The following FOXK1 variants were observed in gnomAD, a reference collection of about 807,000 sequenced individuals.
FOXK1 encodes forkhead box K1, also known as forkhead box protein K1.
In FOXK1, 19 loss-of-function variants were observed where a neutral mutation model predicts 51.9. That is an observed-to-expected ratio of 0.37 (90% CI 0.26 to 0.54). The LOEUF (loss-of-function observed/expected upper bound fraction) is 0.54, where lower values mean the gene tolerates loss of function less well. Ranked by LOEUF, FOXK1 falls within the 20% of genes least tolerant of loss-of-function variation. The probability of loss-of-function intolerance (pLI) is 0.87; values close to 1 mark genes in which losing one functional copy is unlikely to be tolerated. For synonymous variants in FOXK1, 537 were observed against 482.6 expected (o/e 1.11, Z -1.48); for missense variants, 870 against 1,032.7 (o/e 0.84, Z 2.16).
chr7:4,733,723 G>T lies in FOXK1; in HGVS notation c.561-7115G>T, dbSNP rs113082099. Among the ~76,000 whole-genome samples, 367 of 152,358 alleles carry T rather than the reference G, an allele frequency of 2.4e-3. 1 individual carries two copies. The highest frequency in any genetic ancestry group is 8.4e-3 in the African/African-American group (349 of 41,576). Reference sequence around the variant, plus strand: ...GAACTGCATCCTGCAGGTATCGCTCGTGAAAACCGGCCTGGCGTCTTCTGG... The same window carrying T: ...GAACTGCATCCTGCAGGTATCGCTCTTGAAAACCGGCCTGGCGTCTTCTGG... On this transcript the variant is annotated intron_variant, in intron 1 of 8. Transcript: ENST00000328914. The surrounding 1 kb of genome is among the most constrained non-coding windows in gnomAD (Gnocchi z 5.0).
chr7:4,731,972 G>A lies in FOXK1; in HGVS notation c.561-8866G>A, dbSNP rs1289300644. ...ACACGGAGGCCGGGCTGGCCAGGGCGGGGCTCAGATTCAGTGACTTGCCCA... is the reference window on the plus strand; with the variant it reads ...ACACGGAGGCCGGGCTGGCCAGGGCAGGGCTCAGATTCAGTGACTTGCCCA... On this transcript the variant is annotated intron_variant, in intron 1 of 8. Transcript: ENST00000328914. The surrounding 1 kb of genome is among the most constrained non-coding windows in gnomAD (Gnocchi z 5.3). 1.3e-5 allele frequency among the ~76,000 whole-genome samples: 2 copies of A among 152,170 alleles called. No homozygotes were observed. The highest frequency in any genetic ancestry group is 4.8e-5 in the African/African-American group (2 of 41,434).
chr7:4,707,974 C>T lies in FOXK1; in HGVS notation c.560+25106C>T, dbSNP rs1042877709. On this transcript the variant is annotated intron_variant, in intron 1 of 8. Transcript: ENST00000328914. The surrounding 1 kb of genome is among the most constrained non-coding windows in gnomAD (Gnocchi z 4.1). Reference sequence around the variant, plus strand: ...CTGGGATTACACCCATGAGCCACTGCGCTCAGCCTGTTTTCACCTGTTTTC... The same window carrying T: ...CTGGGATTACACCCATGAGCCACTGTGCTCAGCCTGTTTTCACCTGTTTTC... Among the ~76,000 whole-genome samples the T allele has an allele frequency of 3.9e-5, 6 of 152,070 alleles. No homozygotes were observed. Among genetic ancestry groups the T allele is most frequent in the Non-Finnish European group, 7.4e-5 (5 of 68,014 alleles).
intron 1 of FOXK1, among the ~76,000 whole-genome samples, chr7:4,705,517 TTCTCTCTCTCTCTCTCTCTC>T (rs56842360): frequency 9.0e-6 from 1 of 111,490 alleles, no homozygotes; most frequent in Non-Finnish European, 1.8e-5. Context: ...TTCCTTCTCT[TTCTCTCTCTCTCTCTCTCTC>T]TCTCTCTCTC....
intron 1 of FOXK1, among the ~76,000 whole-genome samples, chr7:4,714,030 T>C (rs1011850547): frequency 1.3e-5 from 2 of 151,990 alleles, no homozygotes; most frequent in African/African-American, 4.8e-5. Flanking sequence ...TTCACTGTGT[T>C]GGTCAGGCTG....
At chr7:4,750,902 C>G (rs773388253) in intron 2 of FOXK1, among the ~76,000 whole-genome samples, 15 of 151,874 alleles carry the variant, frequency 9.9e-5, no homozygotes, top group Non-Finnish European at 2.1e-4. Context: ...CGGGATTTCT[C>G]TAAATCGGGC....
chr7:4,682,959 TTCCTCG>T lies in FOXK1; in HGVS notation c.560+92_560+97del. ...CCGGGCCTGGGGATCCCCCTCCAGC[TTCCTCG>T]GCCTCGACCCCCACCCCCCGGCCCA... On this transcript the variant is annotated intron_variant, in intron 1 of 8. Transcript: ENST00000328914. The surrounding 1 kb of genome is among the most constrained non-coding windows in gnomAD (Gnocchi z 7.6). 1 of 1,217,336 alleles carries T rather than the reference TTCCTCG, an allele frequency of 8.2e-7. No homozygotes were observed. 75.4% of individuals were successfully genotyped at this position (1,217,336 alleles called of 1,614,324 possible).
Position 4,747,083 on chromosome 7 carries a change from G to C in FOXK1, c.746+6060G>C, listed in dbSNP as rs995302204. Reference sequence around the variant, plus strand: ...TGTTGGGAGTTCGGAATGAAGCTTGGTAGGGAAGTCCTTGTGTTTGTCCGA... The same window carrying C: ...TGTTGGGAGTTCGGAATGAAGCTTGCTAGGGAAGTCCTTGTGTTTGTCCGA... On this transcript the variant is annotated intron_variant, in intron 2 of 8. Transcript: ENST00000328914. This position sits in a 1 kb window ranked among gnomAD's most constrained non-coding sequence, Gnocchi z 9.2. 6.6e-6 allele frequency among the ~76,000 whole-genome samples: 1 copy of C among 152,184 alleles called. No homozygotes were observed. Among genetic ancestry groups the C allele is most frequent in the African/African-American group, 2.4e-5 (1 of 41,450 alleles).
intron 1 of FOXK1, among the ~76,000 whole-genome samples, chr7:4,725,397 A>T (rs988176933): frequency 4.6e-5 from 7 of 152,048 alleles, no homozygotes; most frequent in Non-Finnish European, 7.4e-5. Context: ...ATTTTTTTTC[A>T]CTGCTGTTGC....
At position 4,745,273 on chromosome 7, in the gene FOXK1, G is replaced by C. The variant is rs908257909; in HGVS notation, c.746+4250G>C. The stretch of plus-strand genomic sequence containing the variant: ...TCATTGGCCGTGGAGTGGCTGGCTC[G>C]GTGTAGGCCGGGCTCGCCCAGGGCC... On this transcript the variant is annotated intron_variant, in intron 2 of 8. Transcript: ENST00000328914. The surrounding 1 kb of genome is among the most constrained non-coding windows in gnomAD (Gnocchi z 4.3). Among the ~76,000 whole-genome samples the C allele has an allele frequency of 2.3e-4, 35 of 152,204 alleles. 1 individual carries two copies. The highest frequency in any genetic ancestry group is 1.3e-4 in the Admixed American group (2 of 15,284).
intron 2 of FOXK1, among the ~76,000 whole-genome samples, chr7:4,741,519 C>T (rs1780633749): frequency 6.6e-6 from 1 of 152,026 alleles, no homozygotes; most frequent in South Asian, 2.1e-4. Flanking sequence ...TTAGTAGAGA[C>T]GGGGTTTCAC....
At chr7:4,754,322 G>A in intron 2 of FOXK1, 137 bp from the exon 3 acceptor site, 1 of 973,688 alleles carries the variant, frequency 1.0e-6, no homozygotes, top group Non-Finnish European at 1.5e-6. Flanking sequence ...TGGCCGGGCA[G>A]TGTGGTGGCA....
At chr7:4,695,795 G>C (rs1194425395) in intron 1 of FOXK1, among the ~76,000 whole-genome samples, 1 of 152,192 alleles carries the variant, frequency 6.6e-6, no homozygotes, top group Non-Finnish European at 1.5e-5. Context: ...AATTAGCTGG[G>C]CGTGGTGGCG....
chr7:4,732,395 C>G (rs908688712), intron 1 of FOXK1, among the ~76,000 whole-genome samples: 1 of 152,200 alleles, frequency 6.6e-6, no homozygotes, highest in Non-Finnish European at 1.5e-5. Context: ...CAGGCTCAAG[C>G]CATCTTCCCT....
chr7:4,721,589 CTTTTTTTTT>C (rs200132324), intron 1 of FOXK1, among the ~76,000 whole-genome samples: 35 of 112,648 alleles, frequency 3.1e-4, no homozygotes, highest in African/African-American at 1.2e-3. Flanking sequence ...TCTTTTTTTT[CTTTTTTTTT>C]TTTTTTTTTT....
intron 1 of FOXK1, among the ~76,000 whole-genome samples, chr7:4,688,367 C>T (rs190191407): frequency 1.1e-3 from 166 of 149,522 alleles, no homozygotes; most frequent in African/African-American, 3.5e-3. Flanking sequence ...CTCTTACTGT[C>T]GGCATGGTTG....
chr7:4,727,205 G>A (rs971097545), intron 1 of FOXK1, among the ~76,000 whole-genome samples: 3 of 152,130 alleles, frequency 2.0e-5, no homozygotes, highest in African/African-American at 7.2e-5. Flanking sequence ...TCCCACTTTG[G>A]CCTCTCAAAG....
intron 1 of FOXK1, among the ~76,000 whole-genome samples, chr7:4,724,514 T>C (rs1451604438): frequency 6.6e-6 from 1 of 152,202 alleles, no homozygotes; most frequent in East Asian, 1.9e-4. Flanking sequence ...GCTTTTTCTT[T>C]GGTTGGGGAG....
rs1331793492 is a variant in FOXK1 at position 4,734,135 on chromosome 7, CA to C, written c.561-6702del. Among the ~76,000 whole-genome samples the C allele has an allele frequency of 6.6e-6, 1 of 152,200 alleles. No homozygotes were observed. Among genetic ancestry groups the C allele is most frequent in the African/African-American group, 2.4e-5 (1 of 41,446 alleles). On this transcript the variant is annotated intron_variant, in intron 1 of 8. Coordinates refer to ENST00000328914, the MANE Select transcript of FOXK1 (RefSeq NM_001037165.2). This position sits in a 1 kb window ranked among gnomAD's most constrained non-coding sequence, Gnocchi z 5.2. ...ACCGTGCCGCCCAGCTCCTAGAAGA[CA>C]CGCGACTCCACAGCAGTTAGGAGAC...
At position 4,715,401 on chromosome 7, in the gene FOXK1, C is replaced by T. The variant is rs1324066701; in HGVS notation, c.561-25437C>T. Among the ~76,000 whole-genome samples the T allele has an allele frequency of 2.0e-5, 3 of 152,082 alleles. No homozygotes were observed. The highest frequency in any genetic ancestry group is 2.1e-4 in the South Asian group (1 of 4,828). On this transcript the variant is annotated intron_variant, in intron 1 of 8. Coordinates refer to ENST00000328914, the MANE Select transcript of FOXK1 (RefSeq NM_001037165.2). The surrounding 1 kb of genome is among the most constrained non-coding windows in gnomAD (Gnocchi z 4.5). ...GCCCGTGTACAGGAATGGGATCGCA[C>T]GGTGGTCCAGATCGTCTGTGCACCC...
Sources: allele counts gnomAD v4.1 joint callset (sites outside exome capture counted in the v4.1 genomes callset), GRCh38; gene constraint gnomAD v4.1.1; non-coding constraint Gnocchi (gnomAD v3.1); transcripts MANE v1.5; gene names NCBI Gene and HGNC (gene_info 2026-07-23, HGNC 2026-07-21).